The following GALNT13 variants were observed in gnomAD, a reference collection of about 807,000 sequenced individuals.
GALNT13 encodes UDP-GalNAc:polypeptide N-acetylgalactosaminyltransferase 13.
A neutral mutation model predicts 64.2 loss-of-function variants in GALNT13; 28 were observed. The observed-to-expected ratio is 0.44, with a 90% CI of 0.32 to 0.60. The LOEUF is 0.60. GALNT13 is among the 20% of genes least tolerant of loss of function. The pLI is 0.05. For synonymous variants in GALNT13, 214 were observed against 224.6 expected, an observed-to-expected ratio of 0.95 and a Z score of 0.42; for missense variants, 577 against 669.8, an observed-to-expected ratio of 0.86 and a Z score of 1.53.
chr2:154,059,293 GA>G (rs1700055154), intron 3 of GALNT13, among the ~76,000 whole-genome samples: 2 of 152,122 alleles, frequency 1.3e-5, no homozygotes, highest in Non-Finnish European at 2.9e-5. Context: ...AATAACTAGG[GA>G]AAATAACCAT....
At chr2:154,414,706 CTT>C (rs1312682673) in intron 11 of GALNT13, among the ~76,000 whole-genome samples, 1 of 151,722 alleles carries the variant, frequency 6.6e-6, no homozygotes, top group Admixed American at 6.6e-5. Flanking sequence ...TCTTTTTTCT[CTT>C]GTCATTTATA....
chr2:154,452,018 A>G lies in GALNT13; in HGVS notation c.*1467A>G, dbSNP rs1016396020. On this transcript the variant is annotated 3_prime_UTR_variant, in exon 13 of 13. Transcript: ENST00000392825. The stretch of plus-strand genomic sequence containing the variant: ...CTCTGACATGCACATACACTGCTTT[A>G]TAATGAAAATGAGGACACTTTCTGA... 1 of 152,122 alleles carries G rather than the reference A, an allele frequency of 6.6e-6. No homozygotes were observed. The highest frequency in any genetic ancestry group is 6.6e-5 in the Admixed American group (1 of 15,220). 9.4% of individuals were successfully genotyped at this position (152,122 alleles called of 1,614,324 possible).
At chr2:154,102,899 A>G (rs1037347401) in intron 3 of GALNT13, among the ~76,000 whole-genome samples, 5 of 152,030 alleles carry the variant, frequency 3.3e-5, no homozygotes, top group Non-Finnish European at 5.9e-5. Context: ...TAGTATTTTT[A>G]TACTGTTGTT....
the GALNT13 span, among the ~76,000 whole-genome samples, chr2:153,090,267 G>A: frequency 1.3e-5 from 2 of 152,144 alleles, no homozygotes; most frequent in African/African-American, 4.8e-5. Context: ...CCAGGCTGGT[G>A]GTAGGGAATG....
At chr2:153,379,142 T>G in the GALNT13 span, among the ~76,000 whole-genome samples, 3 of 152,186 alleles carry the variant, frequency 2.0e-5, no homozygotes, top group South Asian at 6.2e-4. Flanking sequence ...TGCACTAAGA[T>G]CTTTTTAAAT....
intron 4 of GALNT13, among the ~76,000 whole-genome samples, chr2:154,162,404 T>C (rs1468000611): frequency 2.0e-5 from 3 of 152,206 alleles, no homozygotes; most frequent in African/African-American, 7.2e-5. Context: ...GTAAATTGCT[T>C]CAACTCTGTG....
the GALNT13 span, among the ~76,000 whole-genome samples, chr2:153,713,504 G>A: frequency 6.6e-6 from 1 of 151,804 alleles, no homozygotes; most frequent in Non-Finnish European, 1.5e-5. Flanking sequence ...TTTTTTTTGT[G>A]TGTTGGAGTC....
chr2:153,168,325 C>T, the GALNT13 span, among the ~76,000 whole-genome samples: 668 of 152,212 alleles, frequency 4.4e-3, 8 homozygotes, highest in African/African-American at 0.014. Flanking sequence ...ATTGACTTAC[C>T]GTCACCTGAA....
At chr2:153,417,319 G>A in the GALNT13 span, among the ~76,000 whole-genome samples, 3 of 152,290 alleles carry the variant, frequency 2.0e-5, no homozygotes, top group Middle Eastern at 3.4e-3. Flanking sequence ...GGGCCTTGCA[G>A]GCCCAGTCAA....
the GALNT13 span, among the ~76,000 whole-genome samples, chr2:153,619,377 A>G: frequency 3.3e-5 from 5 of 152,152 alleles, no homozygotes; most frequent in South Asian, 1.0e-3. Context: ...TGTCTTCACA[A>G]GTTATTGTAG....
intron 4 of GALNT13, among the ~76,000 whole-genome samples, chr2:154,149,844 T>A (rs985700055): frequency 1.3e-5 from 2 of 152,222 alleles, no homozygotes; most frequent in African/African-American, 2.4e-5. Flanking sequence ...CAATAGAGTT[T>A]TCTGGATATA....
chr2:153,566,246 C>T, the GALNT13 span, among the ~76,000 whole-genome samples: 2 of 151,076 alleles, frequency 1.3e-5, no homozygotes, highest in Non-Finnish European at 2.9e-5. Flanking sequence ...AAGTAAGACT[C>T]AGCTGGTATT....
chr2:153,528,821 C>A, the GALNT13 span, among the ~76,000 whole-genome samples: 1 of 151,828 alleles, frequency 6.6e-6, no homozygotes, highest in Non-Finnish European at 1.5e-5. Flanking sequence ...TTCTGAATGA[C>A]CTGTGGGTTA....
intron 3 of GALNT13, among the ~76,000 whole-genome samples, chr2:153,959,125 G>T (rs1325955176): frequency 6.6e-6 from 1 of 152,198 alleles, no homozygotes; most frequent in African/African-American, 2.4e-5. Context: ...AGGGGGAGGG[G>T]CTATAACCCA....
At chr2:153,863,157 C>T in the GALNT13 span, among the ~76,000 whole-genome samples, 1 of 152,056 alleles carries the variant, frequency 6.6e-6, no homozygotes, top group Non-Finnish European at 1.5e-5. Context: ...TTAAAATTTT[C>T]TTGTCTGGTA....
chr2:153,281,707 G>A, the GALNT13 span, among the ~76,000 whole-genome samples: 44 of 151,988 alleles, frequency 2.9e-4, no homozygotes, highest in Non-Finnish European at 4.0e-4. Flanking sequence ...TTAAAAATGC[G>A]GAAAATATGT....
At chr2:153,587,486 C>A in the GALNT13 span, among the ~76,000 whole-genome samples, 1 of 152,092 alleles carries the variant, frequency 6.6e-6, no homozygotes, top group East Asian at 1.9e-4. Context: ...CAAAGAGGAG[C>A]AAGTCATGTC....
At chr2:154,286,017 A>G (rs1692243694) in intron 8 of GALNT13, among the ~76,000 whole-genome samples, 4 of 152,224 alleles carry the variant, frequency 2.6e-5, no homozygotes, top group Admixed American at 2.0e-4. Context: ...GTGTAGAAAT[A>G]CAAGTGATTT....
chr2:153,772,430 G>T, the GALNT13 span, among the ~76,000 whole-genome samples: 2 of 152,156 alleles, frequency 1.3e-5, no homozygotes, highest in Non-Finnish European at 1.5e-5. Flanking sequence ...CACAGCAGGA[G>T]ACTCTGCTTC....
Sources: allele counts gnomAD v4.1 joint callset (sites outside exome capture counted in the v4.1 genomes callset), GRCh38; gene constraint gnomAD v4.1.1; transcripts MANE v1.5; gene names NCBI Gene and HGNC (gene_info 2026-07-23, HGNC 2026-07-21).